Variants in CNNM1 observed in about 807,000 individuals in gnomAD.
CNNM1 encodes the protein cyclin and CBS domain divalent metal cation transport mediator 1, also known as metal transporter CNNM1.
In CNNM1, 44 loss-of-function variants were observed where a neutral mutation model predicts 78.8. The ratio of observed to expected loss-of-function variants is 0.56; its 90% confidence interval spans 0.44 to 0.72. The LOEUF is 0.72. Among genes scored for constraint, CNNM1 ranks in the 30% least tolerant of loss-of-function variants. CNNM1 has a pLI of 0.00. For synonymous variants in CNNM1, 584 were observed against 581.5 expected, an observed-to-expected ratio of 1.00 and a Z score of -0.06; for missense variants, 1,101 against 1,292.2, an observed-to-expected ratio of 0.85 and a Z score of 2.27.
At chr10:99,345,805 G>A (rs890753427) in intron 1 of CNNM1, among the ~76,000 whole-genome samples, 28 of 152,078 alleles carry the variant, frequency 1.8e-4, no homozygotes, top group African/African-American at 6.5e-4. Context: ...CCATTTATTG[G>A]CGGAGTATTC....
At chr10:99,366,057 G>T (rs1238430368) in intron 6 of CNNM1, among the ~76,000 whole-genome samples, 2 of 152,200 alleles carry the variant, frequency 1.3e-5, no homozygotes, top group Non-Finnish European at 2.9e-5. Flanking sequence ...AGTGGAAATA[G>T]TGGAACAATT....
chr10:99,381,048 C>A (rs1426056629), intron 7 of CNNM1, among the ~76,000 whole-genome samples: 1 of 152,094 alleles, frequency 6.6e-6, no homozygotes, highest in Non-Finnish European at 1.5e-5. Context: ...TTCTTTCCAC[C>A]TGGATATTTT....
chr10:99,390,276 C>T, intron 9 of CNNM1, 30 bp from the exon 10 acceptor site: 3 of 1,506,700 alleles, frequency 2.0e-6, no homozygotes, highest in Non-Finnish European at 2.7e-6. Flanking sequence ...TAGGTTGAGA[C>T]AACTTGAGTT....
At chr10:99,335,782 C>A (rs181024081) in intron 1 of CNNM1, among the ~76,000 whole-genome samples, 83 of 152,330 alleles carry the variant, frequency 5.4e-4, no homozygotes, top group Admixed American at 1.3e-3. Flanking sequence ...GCTTTGACAT[C>A]CAAGATCAAG....
chr10:99,356,605 A>AAAGAAAGAAAGAAAGAAAGAAAGAAAAG (rs1491432735), intron 1 of CNNM1, among the ~76,000 whole-genome samples: 9 of 56,324 alleles, frequency 1.6e-4, no homozygotes, highest in Non-Finnish European at 5.6e-4. Context: ...AGAAAGAAAG[A>AAAGAAAGAAAGAAAGAAAGAAAGAAAAG]AAAGAAAGAA....
chr10:99,359,930 A>T (rs1268030809), intron 2 of CNNM1, among the ~76,000 whole-genome samples: 2 of 151,958 alleles, frequency 1.3e-5, no homozygotes, highest in Non-Finnish European at 2.9e-5. Context: ...TACCAAAAAA[A>T]AAAAAACAAA....
chr10:99,378,412 A>T (rs1445009150), intron 7 of CNNM1, among the ~76,000 whole-genome samples: 1 of 152,206 alleles, frequency 6.6e-6, no homozygotes, highest in Non-Finnish European at 1.5e-5. Context: ...GTGCACTGAA[A>T]TCACCAGGGT....
chr10:99,347,743 A>G (rs1467414824), intron 1 of CNNM1, among the ~76,000 whole-genome samples: 2 of 151,904 alleles, frequency 1.3e-5, no homozygotes, highest in Non-Finnish European at 2.9e-5. Flanking sequence ...CCCACGTTCT[A>G]CAGCCACCGC....
intron 6 of CNNM1, among the ~76,000 whole-genome samples, chr10:99,374,293 T>C (rs2031899959): frequency 6.6e-6 from 1 of 152,202 alleles, no homozygotes; most frequent in South Asian, 2.1e-4. Flanking sequence ...TGGAGAAGGG[T>C]CTGGTCCTTC....
intron 2 of CNNM1, among the ~76,000 whole-genome samples, chr10:99,359,399 G>T (rs573176917): frequency 1.2e-4 from 18 of 152,298 alleles, no homozygotes; most frequent in African/African-American, 4.3e-4. Context: ...CCTATAAATA[G>T]CTGCTGGCAT....
chr10:99,381,276 T>C (rs1029892669), intron 7 of CNNM1, among the ~76,000 whole-genome samples: 13 of 151,526 alleles, frequency 8.6e-5, no homozygotes, highest in Non-Finnish European at 1.3e-4. Context: ...TAGCCAGGCA[T>C]GGTGGTGGGC....
At chr10:99,387,165 G>T (rs563923067) in intron 7 of CNNM1, among the ~76,000 whole-genome samples, 1 of 152,188 alleles carries the variant, frequency 6.6e-6, no homozygotes, top group East Asian at 1.9e-4. Context: ...GCCTGGAATC[G>T]TGGAGACTCC....
intron 2 of CNNM1, among the ~76,000 whole-genome samples, chr10:99,358,296 A>G (rs1290758720): frequency 1.3e-5 from 2 of 152,160 alleles, no homozygotes; most frequent in African/African-American, 2.4e-5. Context: ...AGACTTTTCT[A>G]TGCAGATGTG....
chr10:99,377,295 C>T, intron 7 of CNNM1, 77 bp downstream of exon 7: 1 of 1,396,464 alleles, frequency 7.2e-7, no homozygotes, highest in Non-Finnish European at 1.0e-6. Flanking sequence ...GAAGACTACC[C>T]CCATTCCTAG....
At chr10:99,359,358 C>A (rs2031345854) in intron 2 of CNNM1, among the ~76,000 whole-genome samples, 1 of 152,190 alleles carries the variant, frequency 6.6e-6, no homozygotes, top group Non-Finnish European at 1.5e-5. Flanking sequence ...GAGTGATCCT[C>A]TTTCTACAGG....
At chr10:99,386,571 G>T (rs1564961673) in intron 7 of CNNM1, among the ~76,000 whole-genome samples, 2 of 152,158 alleles carry the variant, frequency 1.3e-5, no homozygotes, top group African/African-American at 4.8e-5. Context: ...TTCTTAACTG[G>T]TGTTTTGTGA....
intron 7 of CNNM1, 74 bp downstream of exon 7, chr10:99,377,292 A>T: frequency 7.1e-7 from 1 of 1,413,356 alleles, no homozygotes; most frequent in Non-Finnish European, 9.8e-7. Context: ...CAAGAAGACT[A>T]CCCCCATTCC....
chr10:99,352,671 A>G (rs2030990866), intron 1 of CNNM1, among the ~76,000 whole-genome samples: 1 of 152,186 alleles, frequency 6.6e-6, no homozygotes, highest in Admixed American at 6.5e-5. Context: ...TCTTTGGAGA[A>G]ATATCTGTTC....
chr10:99,366,356 AAT>A (rs2031618750), intron 6 of CNNM1, among the ~76,000 whole-genome samples: 1 of 152,094 alleles, frequency 6.6e-6, no homozygotes, highest in African/African-American at 2.4e-5. Flanking sequence ...CTGGGATTCT[AAT>A]ATGTTACCTA....
Sources: allele counts gnomAD v4.1 joint callset (sites outside exome capture counted in the v4.1 genomes callset), GRCh38; gene constraint gnomAD v4.1.1; transcripts MANE v1.5; gene names NCBI Gene and HGNC (gene_info 2026-07-23, HGNC 2026-07-21).